Variants in ASZ1 observed in about 807,000 individuals in gnomAD.
ASZ1 encodes the protein ankyrin repeat, SAM and basic leucine zipper domain-containing protein 1.
ASZ1 carries 67 observed loss-of-function variants against 61.8 expected under a neutral mutation model. The ratio of observed to expected loss-of-function variants is 1.08; its 90% CI spans 0.89 to 1.33. The LOEUF (loss-of-function observed/expected upper bound fraction) is 1.33, where lower values mean the gene tolerates loss of function less well. Among genes scored for constraint, ASZ1 ranks in the 40% most tolerant of loss-of-function variants. ASZ1 has a pLI of 0.00. For synonymous variants in ASZ1, 193 were observed against 192.7 expected, an observed-to-expected ratio of 1.00 and a Z score of -0.01; for missense variants, 577 against 554.5, an observed-to-expected ratio of 1.04 and a Z score of -0.41.
intron 4 of ASZ1, among the ~76,000 whole-genome samples, chr7:117,418,652 CAAAA>C (rs5886857): frequency 2.1e-5 from 3 of 139,658 alleles, no homozygotes; most frequent in Non-Finnish European, 1.6e-5. Context: ...GACTCCATCT[CAAAA>C]AAAAAAAAAA....
intron 4 of ASZ1, among the ~76,000 whole-genome samples, chr7:117,387,688 A>G (rs575940207): frequency 6.6e-6 from 1 of 152,274 alleles, no homozygotes; most frequent in South Asian, 2.1e-4. Context: ...CCAAGACAAC[A>G]TCATCTTTCT....
At position 117,363,228 on chromosome 7, in the gene ASZ1, GAAAC is replaced by G. The variant is rs1448602139; in HGVS notation, c.*364_*367del. 2.0e-5 allele frequency: 3 copies of G among 153,192 alleles called. No homozygotes were observed. The highest frequency in any genetic ancestry group is 7.2e-5 in the African/African-American group (3 of 41,474). 9.5% of individuals were successfully genotyped at this position (153,192 alleles called of 1,614,324 possible). A position where few individuals can be genotyped will look rare whatever the true frequency, so the allele number is the denominator to read the frequency against. The stretch of plus-strand genomic sequence containing the variant: ...TATGTAATAATGGAGGGGGAAAAAA[GAAAC>G]AAAAGAAAGCTCAATTTATGAACAC... On this transcript the variant is annotated 3_prime_UTR_variant, in exon 13 of 13. Transcript: ENST00000284629.
chr7:117,418,975 G>T (rs1173623301), intron 4 of ASZ1, among the ~76,000 whole-genome samples: 1 of 151,914 alleles, frequency 6.6e-6, no homozygotes, highest in Non-Finnish European at 1.5e-5. Context: ...AAAAATACAG[G>T]TTTGCAGGTA....
chr7:117,385,529 G>A (rs917152518), intron 5 of ASZ1, among the ~76,000 whole-genome samples, 169 bp downstream of exon 5: 2 of 152,136 alleles, frequency 1.3e-5, no homozygotes, highest in Admixed American at 1.3e-4. Flanking sequence ...CCAAAGTGCA[G>A]GGATTACAGG....
chr7:117,375,433 C>T (rs1796119281), intron 10 of ASZ1, among the ~76,000 whole-genome samples: 2 of 151,988 alleles, frequency 1.3e-5, no homozygotes, highest in African/African-American at 4.8e-5. Flanking sequence ...CTTAATGATT[C>T]TTCATGTATA....
chr7:117,368,275 T>C (rs181938738), intron 11 of ASZ1: 4 of 980,662 alleles, frequency 4.1e-6, no homozygotes, highest in African/African-American at 3.5e-5. Context: ...TTTATTGATA[T>C]GGTTTTTAAA....
chr7:117,418,444 G>A (rs571846572), intron 4 of ASZ1, among the ~76,000 whole-genome samples: 1 of 152,190 alleles, frequency 6.6e-6, no homozygotes, highest in East Asian at 1.9e-4. Context: ...CATGAGGTCA[G>A]GAGTTTGAGA....
At chr7:117,408,321 T>C (rs1584738234) in intron 4 of ASZ1, among the ~76,000 whole-genome samples, 2 of 152,226 alleles carry the variant, frequency 1.3e-5, no homozygotes. Flanking sequence ...TAAGACCAAA[T>C]ATTTTAACCA....
chr7:117,367,806 A>C (rs1036407263), intron 11 of ASZ1: 3 of 989,524 alleles, frequency 3.0e-6, no homozygotes, highest in Non-Finnish European at 3.6e-6. Context: ...AAACAAGTGC[A>C]TTAAAAAATT....
At chr7:117,388,350 A>AT (rs1230426366) in intron 4 of ASZ1, among the ~76,000 whole-genome samples, 3 of 152,174 alleles carry the variant, frequency 2.0e-5, no homozygotes, top group Non-Finnish European at 4.4e-5. Flanking sequence ...GGGTGCCATT[A>AT]TAAGGAAAGA....
chr7:117,415,218 T>C (rs1055797875), intron 4 of ASZ1, among the ~76,000 whole-genome samples: 3 of 152,206 alleles, frequency 2.0e-5, no homozygotes, highest in Non-Finnish European at 4.4e-5. Flanking sequence ...TTATCTGTGG[T>C]TTTGCTGTCT....
intron 4 of ASZ1, among the ~76,000 whole-genome samples, chr7:117,414,850 T>C (rs936521691): frequency 6.6e-5 from 10 of 152,190 alleles, no homozygotes; most frequent in African/African-American, 2.2e-4. Context: ...CCATGGTGTA[T>C]ATGTGCCACA....
intron 4 of ASZ1, among the ~76,000 whole-genome samples, chr7:117,406,318 GA>G (rs1163461600): frequency 2.0e-5 from 3 of 152,032 alleles, no homozygotes; most frequent in Non-Finnish European, 2.9e-5. Context: ...GTTTTCAGAA[GA>G]AAAATGATCC....
chr7:117,388,112 A>T (rs1279512633), intron 4 of ASZ1, among the ~76,000 whole-genome samples: 1 of 152,230 alleles, frequency 6.6e-6, no homozygotes, highest in Non-Finnish European at 1.5e-5. Context: ...AAAAAGAAAT[A>T]ACCTGAATAG....
At chr7:117,377,227 C>A (rs1796154342) in intron 10 of ASZ1, among the ~76,000 whole-genome samples, 1 of 152,022 alleles carries the variant, frequency 6.6e-6, no homozygotes, top group Admixed American at 6.6e-5. Context: ...TGACAAAATG[C>A]TGATGAAAGA....
At position 117,383,687 on chromosome 7, in the gene ASZ1, T is replaced by G. The variant is rs1796297106; in HGVS notation, c.688-577A>C. Among the ~76,000 whole-genome samples the G allele has an allele frequency of 2.0e-5, 3 of 152,096 alleles. No homozygotes were observed. In the South Asian group the frequency reaches 6.2e-4, roughly 32 times the overall value. On this transcript the variant is annotated intron_variant, in intron 6 of 12. Coordinates refer to ENST00000284629, the MANE Select transcript of ASZ1 (RefSeq NM_130768.3). ...GGTTATATCACATACTCAGCCAAAA[T>G]ACAAGATCAAATCTCATTTCAATAA...
chr7:117,382,256 T>C (rs960525473), intron 7 of ASZ1, 112 bp from the exon 8 acceptor site: 2 of 714,278 alleles, frequency 2.8e-6, no homozygotes, highest in Non-Finnish European at 4.8e-6. Context: ...ATGTAGAATA[T>C]ATTTGCAATC....
intron 12 of ASZ1, 36 bp from the exon 13 acceptor site, chr7:117,363,784 C>T (rs753128702): frequency 1.4e-6 from 2 of 1,441,120 alleles, no homozygotes; most frequent in South Asian, 2.8e-5. Context: ...AGAGGAGTTA[C>T]TGTACAATAC....
At chr7:117,373,245 A>G (rs888797804) in intron 10 of ASZ1, among the ~76,000 whole-genome samples, 1 of 151,998 alleles carries the variant, frequency 6.6e-6, no homozygotes, top group Non-Finnish European at 1.5e-5. Context: ...TTTAAATTGC[A>G]CTCTTTATTT....
Sources: gnomAD v4.1 joint callset for allele counts (sites outside exome capture counted in the v4.1 genomes callset) on GRCh38, gnomAD v4.1.1 for gene constraint, MANE v1.5 for transcripts, NCBI Gene and HGNC (gene_info 2026-07-23, HGNC 2026-07-21) for gene names.